Variants in STK3 observed in about 807,000 individuals in gnomAD.
The protein encoded by STK3 is serine/threonine-protein kinase 3.
STK3 carries 41 observed loss-of-function variants against 58.0 expected under a neutral mutation model. The observed-to-expected ratio is 0.71, with a 90% CI of 0.55 to 0.92. The LOEUF (loss-of-function observed/expected upper bound fraction) is 0.92, where lower values mean the gene tolerates loss of function less well. Ranked by LOEUF, STK3 falls within the 40% of genes least tolerant of loss-of-function variation. The pLI is 0.00. For synonymous variants in STK3, 170 were observed against 191.0 expected (o/e 0.89, Z 0.91); for missense variants, 479 against 602.7 (o/e 0.79, Z 2.15).
intron 4 of STK3, among the ~76,000 whole-genome samples, chr8:98,710,932 G>A (rs1251088358): frequency 1.3e-5 from 2 of 152,178 alleles, no homozygotes; most frequent in African/African-American, 4.8e-5. Context: ...GTACTCCTCT[G>A]AGACAAAACT....
chr8:98,864,290 T>A (rs1035313953), intron 3 of STK3, among the ~76,000 whole-genome samples: 1 of 149,790 alleles, frequency 6.7e-6, no homozygotes, highest in Non-Finnish European at 1.5e-5. Context: ...GTCTAAAACA[T>A]GGGAGTGATG....
At chr8:98,918,745 G>T (rs901506637) in intron 1 of STK3, among the ~76,000 whole-genome samples, 13 of 151,972 alleles carry the variant, frequency 8.6e-5, no homozygotes, top group Admixed American at 8.5e-4. Flanking sequence ...CTCTAGCCTG[G>T]GTGACAGAGT....
intron 10 of STK3, among the ~76,000 whole-genome samples, chr8:98,470,500 G>C (rs912550873): frequency 6.6e-6 from 1 of 152,192 alleles, no homozygotes; most frequent in Non-Finnish European, 1.5e-5. Flanking sequence ...GGCCTTTTAA[G>C]TAGGCCACCC....
intron 6 of STK3, among the ~76,000 whole-genome samples, chr8:98,675,318 A>G (rs185845129): frequency 8.2e-4 from 125 of 152,370 alleles, no homozygotes; most frequent in Non-Finnish European, 1.2e-3. Context: ...CTTTAAACAA[A>G]TAAGTCAGCT....
intron 4 of STK3, among the ~76,000 whole-genome samples, chr8:98,743,154 C>T (rs1829356419): frequency 6.6e-6 from 1 of 151,934 alleles, no homozygotes; most frequent in African/African-American, 2.4e-5. Context: ...GGCCATACTG[C>T]CCAAGGTATT....
At chr8:98,813,047 AAAG>A (rs1482934903) in intron 1 of STK3, among the ~76,000 whole-genome samples, 2 of 151,882 alleles carry the variant, frequency 1.3e-5, no homozygotes, top group East Asian at 1.9e-4. Flanking sequence ...AAAAAAAAAA[AAAG>A]AAAGTGATGT....
At chr8:98,925,064 A>G (rs1839733188) in intron 1 of STK3, among the ~76,000 whole-genome samples, 2 of 152,212 alleles carry the variant, frequency 1.3e-5, no homozygotes, top group East Asian at 3.8e-4. Flanking sequence ...GAATGATGTT[A>G]AAGTCCAAAA....
rs548820774 is a variant in STK3, at chr8:98,777,459, G to A, written c.27-2640C>T. 2.0e-4 allele frequency among the ~76,000 whole-genome samples: 31 copies of A among 152,228 alleles called. 1 individual carries two copies. Among genetic ancestry groups the A allele is most frequent in the Admixed American group, 1.2e-3 (18 of 15,282 alleles). ...TGGGAGATGGAGGTTGCAGTGAGCC[G>A]AGATCACGCCACTGCACTCCAGCCT... On this transcript the variant is annotated intron_variant, in intron 1 of 10. Coordinates refer to ENST00000419617, the MANE Select transcript of STK3 (RefSeq NM_006281.4).
At chr8:98,438,324 A>C (rs1241785180) in intron 1 of STK3, 1 of 152,118 alleles carries the variant, frequency 6.6e-6, no homozygotes, top group Non-Finnish European at 1.5e-5. Flanking sequence ...TAGAGCCTGC[A>C]AGGAGCTCCC....
chr8:98,528,076 C>A (rs977035214), intron 9 of STK3, among the ~76,000 whole-genome samples: 7 of 152,184 alleles, frequency 4.6e-5, no homozygotes, highest in East Asian at 1.9e-4. Flanking sequence ...CTTCTCAGTA[C>A]AGTTAACTAT....
intron 3 of STK3, among the ~76,000 whole-genome samples, chr8:98,854,289 C>T (rs1412214842): frequency 2.6e-5 from 4 of 152,018 alleles, no homozygotes; most frequent in Non-Finnish European, 5.9e-5. Context: ...CAGGTGCCCA[C>T]CACAATGTCC....
At chr8:98,462,007 A>G (rs958617825) in intron 10 of STK3, among the ~76,000 whole-genome samples, 1 of 151,614 alleles carries the variant, frequency 6.6e-6, no homozygotes, top group African/African-American at 2.4e-5. Flanking sequence ...AAATGTTTTG[A>G]TACTGGCATG....
At chr8:98,785,226 T>C (rs1832384872) in intron 1 of STK3, among the ~76,000 whole-genome samples, 1 of 152,210 alleles carries the variant, frequency 6.6e-6, no homozygotes, top group South Asian at 2.1e-4. Flanking sequence ...GAGCACCTGC[T>C]TGCCTGGTTC....
At chr8:98,511,522 G>C (rs1824514244) in intron 10 of STK3, among the ~76,000 whole-genome samples, 1 of 152,014 alleles carries the variant, frequency 6.6e-6, no homozygotes. Flanking sequence ...AATATATTAA[G>C]TACATCAATA....
At chr8:98,923,706 C>CTT (rs1334971774) in intron 1 of STK3, among the ~76,000 whole-genome samples, 2 of 151,940 alleles carry the variant, frequency 1.3e-5, no homozygotes, top group Non-Finnish European at 2.9e-5. Flanking sequence ...TACCCTTTAG[C>CTT]TATTAAAAGT....
chr8:98,491,162 C>CGAGA (rs61704241), intron 10 of STK3, among the ~76,000 whole-genome samples: 3,694 of 142,896 alleles, frequency 0.026, 143 homozygotes, highest in African/African-American at 0.085. Flanking sequence ...AAAATAAACA[C>CGAGA]GAGAGAGAGA....
chr8:98,490,697 T>C (rs1273252808), intron 10 of STK3, among the ~76,000 whole-genome samples: 2 of 152,174 alleles, frequency 1.3e-5, no homozygotes, highest in East Asian at 3.8e-4. Flanking sequence ...GGTGAGTCAC[T>C]GGAATTACAT....
intron 3 of STK3, among the ~76,000 whole-genome samples, chr8:98,853,642 C>T (rs1836561750): frequency 6.6e-6 from 1 of 152,230 alleles, no homozygotes; most frequent in African/African-American, 2.4e-5. Context: ...TCTAGCCACA[C>T]TCATTTGTGC....
chr8:98,757,122 T>A (rs925614011), intron 3 of STK3, among the ~76,000 whole-genome samples: 1 of 152,124 alleles, frequency 6.6e-6, no homozygotes, highest in Admixed American at 6.5e-5. Context: ...TAACAATATA[T>A]CTTTTCCATA....
Sources: gnomAD v4.1 joint callset for allele counts (sites outside exome capture counted in the v4.1 genomes callset) on GRCh38, gnomAD v4.1.1 for gene constraint, MANE v1.5 for transcripts, NCBI Gene and HGNC (gene_info 2026-07-23, HGNC 2026-07-21) for gene names.